Variants in PPHLN1 observed in about 807,000 individuals in gnomAD.
The protein encoded by PPHLN1 is periphilin-1.
PPHLN1 carries 29 observed loss-of-function variants against 51.3 expected under a neutral mutation model. The ratio of observed to expected loss-of-function variants is 0.57; its 90% confidence interval spans 0.42 to 0.77. The LOEUF is 0.77. PPHLN1 is among the 30% of genes least tolerant of loss of function. PPHLN1 has a pLI of 0.00. For missense variants in PPHLN1, 436 were observed against 438.4 expected, an observed-to-expected ratio of 0.99 and a Z score of 0.05; for synonymous variants, 147 against 147.8, an observed-to-expected ratio of 0.99 and a Z score of 0.04.
In PPHLN1 at chr12:42,441,560, T is replaced by C; in HGVS notation, c.*51T>C. The stretch of plus-strand genomic sequence containing the variant: ...AAAAAAACAGTTTCTAAAAATTTTT[T>C]TTCCTGGATTGTGTAAATCCTTAAT... On this transcript the variant is annotated 3_prime_UTR_variant, in exon 10 of 10. Transcript: ENST00000358314. 2 of 1,461,844 alleles carry C rather than the reference T, an allele frequency of 1.4e-6. No individual in the cohort carries two copies. Among genetic ancestry groups the C allele is most frequent in the African/African-American group, 1.4e-5 (1 of 70,110 alleles). The allele number at this position is 1,461,844 out of a possible 1,614,324, so 90.6% of individuals were successfully genotyped here. A position where few individuals can be genotyped will look rare whatever the true frequency, so the allele number is the denominator to read the frequency against.
At position 42,367,421 on chromosome 12, in the gene PPHLN1, C is replaced by CT. The variant is rs901966315; in HGVS notation, c.300-7431dup. ...AAATGAAAAATCAAAGTCTTAGTTT[C>CT]TTTTTTTTTTTAATTAAGACACCAT... On this transcript the variant is annotated intron_variant, in intron 4 of 9. Coordinates refer to ENST00000358314, the MANE Select transcript of PPHLN1 (RefSeq NM_201439.2). Among the ~76,000 whole-genome samples, 1,005 of 144,474 alleles carry CT rather than the reference C, an allele frequency of 7.0e-3. 2 individuals are homozygous for CT. The highest frequency in any genetic ancestry group is 0.011 in the African/African-American group (447 of 39,560). 94.8% of individuals were successfully genotyped at this position (144,474 alleles called of 152,430 possible).
At chr12:42,368,684 A>C (rs11832838) in intron 4 of PPHLN1, among the ~76,000 whole-genome samples, 23,017 of 152,178 alleles carry the variant, frequency 0.15, 2,714 homozygotes, top group African/African-American at 0.33. Context: ...AATGGGAAAT[A>C]CTAATATTTT....
chr12:42,442,697 C>T (rs1252986970), downstream of PPHLN1: 1 of 1,614,108 alleles, frequency 6.2e-7, no homozygotes, highest in Non-Finnish European at 8.5e-7. Flanking sequence ...TGAAATGGAT[C>T]ACGACGGAAC....
chr12:42,365,326 A>G (rs1356132475), intron 4 of PPHLN1, among the ~76,000 whole-genome samples: 2 of 152,226 alleles, frequency 1.3e-5, no homozygotes, highest in South Asian at 4.1e-4. Context: ...CCAATATTTT[A>G]TATGAATATT....
chr12:42,343,884 C>T (rs531746929), intron 2 of PPHLN1: 1 of 444,346 alleles, frequency 2.3e-6, no homozygotes, highest in East Asian at 7.5e-5. Context: ...TCAGAAACAC[C>T]AATATTTCAT....
intron 3 of PPHLN1, among the ~76,000 whole-genome samples, chr12:42,353,388 T>C (rs935903857): frequency 6.6e-6 from 1 of 152,234 alleles, no homozygotes; most frequent in Non-Finnish European, 1.5e-5. Context: ...TTAGTTTTCA[T>C]ACTTTACGCT....
intron 4 of PPHLN1, among the ~76,000 whole-genome samples, chr12:42,367,198 T>A (rs1197374232): frequency 2.0e-5 from 3 of 152,228 alleles, no homozygotes; most frequent in Admixed American, 6.5e-5. Flanking sequence ...AAAGGGTATC[T>A]TGATGTTTAT....
intron 9 of PPHLN1, among the ~76,000 whole-genome samples, chr12:42,433,822 A>G (rs2082249466): frequency 6.6e-6 from 1 of 152,226 alleles, no homozygotes. Flanking sequence ...AAATCCACAT[A>G]TAAGTGCACC....
rs1304889459 is a variant in PPHLN1, at chr12:42,353,735, G to A, written c.238-1426G>A. ...TGAAAGTTTGAGATTTTAGTGCACC[G>A]TCTCAGTTGTTACCACTTTTATGAA... On this transcript the variant is annotated intron_variant, in intron 3 of 9. Coordinates refer to ENST00000358314, the MANE Select transcript of PPHLN1 (RefSeq NM_201439.2). Among the ~76,000 whole-genome samples, 10 of 152,092 alleles carry A rather than the reference G, an allele frequency of 6.6e-5. No homozygotes were observed. In the South Asian group the frequency reaches 8.3e-4, roughly 13 times the overall value.
intron 8 of PPHLN1, 28 bp downstream of exon 8, chr12:42,393,717 C>G (rs978031981): frequency 6.5e-7 from 1 of 1,549,228 alleles, no homozygotes. Context: ...CTTTATGTTT[C>G]ACATCTGAAA....
intron 9 of PPHLN1, among the ~76,000 whole-genome samples, chr12:42,427,485 T>C (rs2081602679): frequency 6.6e-6 from 1 of 152,128 alleles, no homozygotes; most frequent in Non-Finnish European, 1.5e-5. Flanking sequence ...AGCCAACTGA[T>C]CTTCGACAAA....
chr12:42,394,007 TAGTTATAAACC>T (rs1353224772), intron 8 of PPHLN1, among the ~76,000 whole-genome samples: 1 of 152,122 alleles, frequency 6.6e-6, no homozygotes, highest in Non-Finnish European at 1.5e-5. Context: ...GCTAAGCCAC[TAGTTATAAACC>T]AGTGAATTCA....
At chr12:42,406,686 T>C (rs1318290859) in intron 9 of PPHLN1, among the ~76,000 whole-genome samples, 1 of 152,160 alleles carries the variant, frequency 6.6e-6, no homozygotes, top group Non-Finnish European at 1.5e-5. Context: ...TGGTTATATG[T>C]GTTGTGGATA....
intron 2 of PPHLN1, among the ~76,000 whole-genome samples, chr12:42,340,363 T>C (rs1312844282): frequency 6.6e-6 from 1 of 151,854 alleles, no homozygotes; most frequent in Non-Finnish European, 1.5e-5. Context: ...AATCTAGTTA[T>C]TTTAAAAACC....
intron 4 of PPHLN1, among the ~76,000 whole-genome samples, chr12:42,371,716 A>T (rs998014263): frequency 3.3e-5 from 5 of 152,240 alleles, no homozygotes; most frequent in African/African-American, 1.2e-4. Flanking sequence ...TGTAAGCATA[A>T]AATGCACACT....
chr12:42,330,006 G>A (rs571789125), intron 1 of PPHLN1: 6 of 152,242 alleles, frequency 3.9e-5, no homozygotes, highest in Non-Finnish European at 7.3e-5. Context: ...CAGGAGAACA[G>A]GGTGATAGTG....
intron 9 of PPHLN1, among the ~76,000 whole-genome samples, chr12:42,425,826 G>A (rs1467449444): frequency 6.6e-6 from 1 of 152,186 alleles, no homozygotes; most frequent in Non-Finnish European, 1.5e-5. Context: ...TAGGTCCTGT[G>A]TGTGTATACA....
intron 2 of PPHLN1, among the ~76,000 whole-genome samples, chr12:42,340,293 G>C (rs142927759): frequency 1.4e-5 from 2 of 143,010 alleles, no homozygotes; most frequent in Non-Finnish European, 3.0e-5. Flanking sequence ...CTGGGCAACA[G>C]AGGGAGAGAT....
chr12:42,331,773 T>A (rs2069772894), intron 1 of PPHLN1: 1 of 152,268 alleles, frequency 6.6e-6, no homozygotes, highest in Non-Finnish European at 1.5e-5. Flanking sequence ...TTTGAATATC[T>A]TGTTGGCTTA....
Sources: allele counts gnomAD v4.1 joint callset (sites outside exome capture counted in the v4.1 genomes callset), GRCh38; gene constraint gnomAD v4.1.1; transcripts MANE v1.5; gene names NCBI Gene and HGNC (gene_info 2026-07-23, HGNC 2026-07-21).